The following NLRP2 variants were observed in gnomAD, a reference collection of about 807,000 sequenced individuals.
NLRP2 encodes the protein NLR family pyrin domain containing 2.
A neutral mutation model predicts 97.2 loss-of-function variants in NLRP2; 107 were observed. That is an observed-to-expected ratio of 1.10 (90% confidence interval 0.94 to 1.29). The LOEUF (loss-of-function observed/expected upper bound fraction) is 1.29, where lower values mean the gene tolerates loss of function less well. Ranked by LOEUF, NLRP2 falls within the 50% of genes most tolerant of loss-of-function variation. The pLI is 0.00. For synonymous variants in NLRP2, 663 were observed against 551.5 expected, an observed-to-expected ratio of 1.20 and a Z score of -2.83; for missense variants, 1,495 against 1,330.3, an observed-to-expected ratio of 1.12 and a Z score of -1.93.
At position 54,997,458 on chromosome 19, in the gene NLRP2, A is replaced by G; in HGVS notation, c.3021A>G (p.Thr1007=). The G allele has an allele frequency of 6.2e-7, 1 of 1,614,082 alleles. No homozygotes were observed. Among genetic ancestry groups the G allele is most frequent in the Non-Finnish European group, 8.5e-7 (1 of 1,180,022 alleles). ...TGAAGATGCTGTTTGAAACCTTGAC[A>G]TGTTCCAGTGGCACCCTCCGGACAC... is the stretch of plus-strand genomic sequence containing the variant. ...SGVKMLFETL[T]CSSGTLRTLR... Residue 1007 remains threonine, a synonymous_variant, in exon 12 of 13, where the codon ACA becomes ACG. Coordinates refer to ENST00000448584, the MANE Select transcript of NLRP2 (RefSeq NM_017852.5).
chr19:54,983,009 C>T lies in NLRP2; in HGVS notation c.1311C>T (p.Phe437=). The change falls in exon 6 of 13, where the codon TTC becomes TTT. Residue 437 remains phenylalanine, a synonymous_variant. Coordinates refer to ENST00000448584, the MANE Select transcript of NLRP2 (RefSeq NM_017852.5). ...TCCTGCGTTTCCTCTGCAGCCGGTT[C>T]CCGCAGGGCGCACAGCTGCGGGGCG... The part of the protein sequence containing the change: ...GLFLRFLCSR[F]PQGAQLRGAL... 4.3e-6 allele frequency: 7 copies of T among 1,610,762 alleles called. No homozygotes were observed. The highest frequency in any genetic ancestry group is 5.1e-6 in the Non-Finnish European group (6 of 1,179,456).
chr19:54,995,814 G>A (rs2072778664), intron 11 of NLRP2, among the ~76,000 whole-genome samples: 1 of 151,904 alleles, frequency 6.6e-6, no homozygotes. Context: ...GTCCAAGGCA[G>A]GTAGATTGCT....
At chr19:54,969,528 G>A (rs369581286) in intron 1 of NLRP2, among the ~76,000 whole-genome samples, 2 of 151,888 alleles carry the variant, frequency 1.3e-5, no homozygotes, top group Non-Finnish European at 2.9e-5. Context: ...GGTGGTGGGT[G>A]CCCATAATCC....
rs36061621 is a variant in NLRP2, at chr19:54,984,485, C to CTTTTTTTTTTTTTTTTTTTTTTT, written c.2031-547_2031-546insTTTTTTTTTTTTTTTTTTTTTTT. Among the ~76,000 whole-genome samples the CTTTTTTTTTTTTTTTTTTTTTTT allele has an allele frequency of 4.4e-3, 340 of 76,852 alleles. 53 individuals carry two copies. Among genetic ancestry groups the CTTTTTTTTTTTTTTTTTTTTTTT allele is most frequent in the African/African-American group, 9.5e-3 (126 of 13,230 alleles). The allele number at this position is 76,852 out of a possible 152,430, so 50.4% of individuals were successfully genotyped here. ...ATGTATAGATATGTATATTCCCAAT[C>CTTTTTTTTTTTTTTTTTTTTTTT]TTTTTTTTTTTTTTTGAGACGGAGT... On this transcript the variant is annotated intron_variant, in intron 6 of 12. Transcript: ENST00000448584.
At position 54,990,482 on chromosome 19, in the gene NLRP2, C is replaced by A; in HGVS notation, c.2538-20C>A. On this transcript the variant is annotated intron_variant, in intron 9 of 12. Coordinates refer to ENST00000448584, the MANE Select transcript of NLRP2 (RefSeq NM_017852.5). ...AAGTTGGACCTGTCAACCGTGTTGC[C>A]ATTTGTGATTCTTTTGTAGGTTGGA... 1 of 1,613,842 alleles carries A rather than the reference C, an allele frequency of 6.2e-7. No homozygotes were observed. Among genetic ancestry groups the A allele is most frequent in the Non-Finnish European group, 8.5e-7 (1 of 1,179,744 alleles).
intron 8 of NLRP2, among the ~76,000 whole-genome samples, chr19:54,988,009 A>G (rs927758817): frequency 1.3e-5 from 2 of 152,160 alleles, no homozygotes; most frequent in African/African-American, 4.8e-5. Context: ...ACGCCATTGC[A>G]CTCCAGCCTG....
rs1319245099 is a variant in NLRP2 at position 54,982,982 on chromosome 19, G to A, written c.1284G>A (p.Leu428=). The change falls in exon 6 of 13, where the codon CTG becomes CTA. Residue 428 remains leucine (L), a synonymous_variant. Transcript: ENST00000448584. The stretch of plus-strand genomic sequence containing the variant: ...CCACCTGCCTCACCCGCACGGGGCT[G>A]TTCCTGCGTTTCCTCTGCAGCCGGT... The part of the protein sequence containing the change: ...PVPTCLTRTG[L]FLRFLCSRFP... 2 of 1,611,100 alleles carry A rather than the reference G, an allele frequency of 1.2e-6. No homozygotes were observed. Among genetic ancestry groups the A allele is most frequent in the Non-Finnish European group, 1.7e-6 (2 of 1,179,572 alleles).
At chr19:54,998,134 T>C (rs1370455598) in intron 12 of NLRP2, among the ~76,000 whole-genome samples, 1 of 151,602 alleles carries the variant, frequency 6.6e-6, no homozygotes, top group East Asian at 1.9e-4. Context: ...TTCTCATGCT[T>C]CAGCCTCCCA....
Position 54,990,151 on chromosome 19 carries a change from C to T in NLRP2, c.2496C>T (p.Tyr832=), listed in dbSNP as rs199475724. ...ELLDEGAKLL[Y]TTLRHPKCFL... ...TGGATGAGGGTGCTAAGTTGCTGTA[C>T]ACAACTTTGAGACACCCCAAGTGCT... is the stretch of plus-strand genomic sequence containing the variant. Residue 832 remains tyrosine (Y), a synonymous_variant, in exon 9 of 13, where the codon TAC becomes TAT. Transcript: ENST00000448584. 8.7e-6 allele frequency: 14 copies of T among 1,614,114 alleles called. No homozygotes were observed. The highest frequency in any genetic ancestry group is 5.3e-5 in the African/African-American group (4 of 75,034).
Position 54,983,025 on chromosome 19 carries a change from C to T in NLRP2, c.1327C>T (p.Leu443=), listed in dbSNP as rs755955541. The change falls in exon 6 of 13, where the codon CTG becomes TTG. Residue 443 remains leucine, a synonymous_variant. Coordinates refer to ENST00000448584, the MANE Select transcript of NLRP2 (RefSeq NM_017852.5). ...CAGCCGGTTCCCGCAGGGCGCACAG[C>T]TGCGGGGCGCGCTGCGGACGCTGAG... The part of the protein sequence containing the change: ...LCSRFPQGAQ[L]RGALRTLSLL... The T allele has an allele frequency of 6.2e-6, 10 of 1,610,836 alleles. No homozygotes were observed. The highest frequency in any genetic ancestry group is 1.9e-4 in the Middle Eastern group (1 of 5,248).
chr19:54,994,688 G>A (rs996720798), intron 11 of NLRP2, among the ~76,000 whole-genome samples: 1 of 151,348 alleles, frequency 6.6e-6, no homozygotes, highest in Admixed American at 6.6e-5. Context: ...TTGGCTCACT[G>A]CAACCTCCGC....
chr19:54,974,552 A>G lies in NLRP2; in HGVS notation c.325+8A>G, dbSNP rs1414170306. 1 of 1,564,916 alleles carries G rather than the reference A, an allele frequency of 6.4e-7. No homozygotes were observed. Among genetic ancestry groups the G allele is most frequent in the East Asian group, 2.2e-5 (1 of 44,532 alleles). On this transcript the variant is annotated splice_region_variant and intron_variant, in intron 3 of 12. Coordinates refer to ENST00000448584, the MANE Select transcript of NLRP2 (RefSeq NM_017852.5). ...GGAAGCCTCTATCATTAGGTAAGTTACCTCATTTATAACTTTTATTCTTCA... is the reference window on the plus strand; with the variant it reads ...GGAAGCCTCTATCATTAGGTAAGTTGCCTCATTTATAACTTTTATTCTTCA...
chr19:54,976,956 C>G (rs1400566806), intron 3 of NLRP2: 2 of 371,086 alleles, frequency 5.4e-6, no homozygotes, highest in South Asian at 2.0e-5. Context: ...CTGGGACTTA[C>G]AGGTAACACA....
chr19:54,978,336 G>A (rs57079243), intron 4 of NLRP2, among the ~76,000 whole-genome samples: 31,269 of 150,354 alleles, frequency 0.21, 3,921 homozygotes, highest in Admixed American at 0.36. Flanking sequence ...CCAGATTCAA[G>A]TGATTGTCCT....
rs144436203 is a variant in NLRP2 at position 54,969,610 on chromosome 19, G to A, written c.-17-389G>A. 5.8e-3 allele frequency among the ~76,000 whole-genome samples: 881 copies of A among 152,284 alleles called. 4 individuals carry two copies. Among genetic ancestry groups the A allele is most frequent in the Non-Finnish European group, 6.4e-3 (432 of 68,018 alleles). On this transcript the variant is annotated intron_variant, in intron 1 of 12. Transcript: ENST00000448584. ...GCAGAGGTTGCAGTGAGCTGAGATC[G>A]TACTACTGTACTCCAGCCTGGGCTG... is the stretch of plus-strand genomic sequence containing the variant.
chr19:54,993,530 T>TG, intron 10 of NLRP2: 2 of 154,612 alleles, frequency 1.3e-5, no homozygotes, highest in Non-Finnish European at 2.9e-5. Context: ...TGTGAGCTGG[T>TG]GTCTTCTGCC....
chr19:54,974,342 CTG>C, intron 2 of NLRP2, 156 bp from the exon 3 acceptor site: 2 of 709,040 alleles, frequency 2.8e-6, no homozygotes, highest in Non-Finnish European at 5.0e-6. Flanking sequence ...GAGTGACACT[CTG>C]TCTCAAAAAA....
At chr19:54,986,513 G>T (rs1034374834) in intron 8 of NLRP2, 198 bp downstream of exon 8, 1 of 614,302 alleles carries the variant, frequency 1.6e-6, no homozygotes. Context: ...ACAACCATAC[G>T]TGAGGACCCT....
chr19:54,999,092 G>A (rs1008124071), intron 12 of NLRP2, among the ~76,000 whole-genome samples: 9 of 148,840 alleles, frequency 6.0e-5, no homozygotes, highest in African/African-American at 1.0e-4. Flanking sequence ...AGGGGCGGCC[G>A]GGCAGAGGCG....
Sources: gnomAD v4.1 joint callset for allele counts (sites outside exome capture counted in the v4.1 genomes callset) on GRCh38, gnomAD v4.1.1 for gene constraint, MANE v1.5 for transcripts, NCBI Gene and HGNC (gene_info 2026-07-23, HGNC 2026-07-21) for gene names.